Variants in EBF1 observed in about 807,000 individuals in gnomAD.
The protein encoded by EBF1 is EBF transcription factor 1.
In EBF1, 10 loss-of-function variants were observed where a neutral mutation model predicts 68.4. That is an observed-to-expected ratio of 0.15 (90% CI 0.09 to 0.25). EBF1 has a LOEUF of 0.25. Among genes scored for constraint, EBF1 ranks in the 10% least tolerant of loss-of-function variants. EBF1 has a pLI of 1.00. For synonymous variants in EBF1, 298 were observed against 299.8 expected (o/e 0.99, Z 0.06); for missense variants, 509 against 794.4 (o/e 0.64, Z 4.32).
intron 12 of EBF1, among the ~76,000 whole-genome samples, chr5:158,713,596 C>T (rs1274771696): frequency 1.3e-5 from 2 of 152,194 alleles, no homozygotes; most frequent in Non-Finnish European, 2.9e-5. Context: ...CTGTAGATGA[C>T]TACCTGCATT....
At chr5:158,876,615 C>T (rs983640419) in intron 6 of EBF1, among the ~76,000 whole-genome samples, 2 of 152,210 alleles carry the variant, frequency 1.3e-5, no homozygotes, top group Non-Finnish European at 2.9e-5. Flanking sequence ...AAAAGTTTCA[C>T]GTTGCCCTAT....
At chr5:158,833,847 G>C (rs1000015477) in intron 7 of EBF1, among the ~76,000 whole-genome samples, 3 of 152,134 alleles carry the variant, frequency 2.0e-5, no homozygotes, top group Admixed American at 1.3e-4. Flanking sequence ...ATCCCAAGAA[G>C]AATATAAGTT....
chr5:158,914,477 C>T (rs1806711982), intron 6 of EBF1, among the ~76,000 whole-genome samples: 1 of 152,166 alleles, frequency 6.6e-6, no homozygotes, highest in Non-Finnish European at 1.5e-5. Context: ...TGCTGTTCCA[C>T]ATGTCACAGG....
At chr5:158,858,854 A>G (rs941465859) in intron 6 of EBF1, among the ~76,000 whole-genome samples, 1 of 152,162 alleles carries the variant, frequency 6.6e-6, no homozygotes, top group Non-Finnish European at 1.5e-5. Flanking sequence ...TTCACTTTTC[A>G]GGGAAGGTAA....
intron 6 of EBF1, among the ~76,000 whole-genome samples, chr5:158,930,360 T>C (rs893160730): frequency 6.6e-6 from 1 of 151,098 alleles, no homozygotes; most frequent in African/African-American, 2.4e-5. Context: ...AGCATGCAAA[T>C]GACTAATCAA....
chr5:158,880,378 G>T (rs1334715191), intron 6 of EBF1, among the ~76,000 whole-genome samples: 3 of 152,190 alleles, frequency 2.0e-5, no homozygotes, highest in Non-Finnish European at 2.9e-5. Flanking sequence ...ATAAGGGTCA[G>T]TTGGAAATGC....
At chr5:158,938,061 C>T (rs768210886) in intron 6 of EBF1, among the ~76,000 whole-genome samples, 7 of 152,168 alleles carry the variant, frequency 4.6e-5, no homozygotes, top group Non-Finnish European at 8.8e-5. Flanking sequence ...ATTTTCACTC[C>T]GGCTCAAGTG....
chr5:158,817,070 A>G (rs934632257), intron 8 of EBF1, among the ~76,000 whole-genome samples: 4 of 151,972 alleles, frequency 2.6e-5, no homozygotes, highest in Admixed American at 6.6e-5. Context: ...CACCAAGACC[A>G]TGGCCTGACC....
At chr5:158,904,720 C>T (rs1027994238) in intron 6 of EBF1, among the ~76,000 whole-genome samples, 1 of 152,170 alleles carries the variant, frequency 6.6e-6, no homozygotes, top group African/African-American at 2.4e-5. Flanking sequence ...CCCTACAGAA[C>T]CGCCTTCCTC....
At chr5:159,076,866 G>A (rs1312574643) in intron 5 of EBF1, among the ~76,000 whole-genome samples, 1 of 152,184 alleles carries the variant, frequency 6.6e-6, no homozygotes, top group African/African-American at 2.4e-5. Flanking sequence ...ATATATGGAT[G>A]TGTGTGTACA....
At chr5:158,935,856 C>G (rs900466546) in intron 6 of EBF1, among the ~76,000 whole-genome samples, 1 of 152,186 alleles carries the variant, frequency 6.6e-6, no homozygotes, top group African/African-American at 2.4e-5. Flanking sequence ...TTCCAAAAAT[C>G]TGCCAAGAAC....
chr5:158,755,429 G>A (rs148556725), intron 10 of EBF1, among the ~76,000 whole-genome samples: 32 of 152,132 alleles, frequency 2.1e-4, no homozygotes, highest in Middle Eastern at 3.4e-3. Context: ...CCTGCCTCCT[G>A]TTCATCCTTG....
At position 158,827,377 on chromosome 5, in the gene EBF1, G is replaced by A. The variant is rs147052881; in HGVS notation, c.637-4060C>T. Among the ~76,000 whole-genome samples the A allele has an allele frequency of 4.6e-5, 7 of 152,194 alleles. No individual in the cohort carries two copies. The East Asian group carries it at 5.8e-4, about 13-fold the overall frequency. ...CACATTTAGGCCTTGCATGAATTGC[G>A]GTTTTCATTGGTTTATATAATGTCG... On this transcript the variant is annotated intron_variant, in intron 7 of 15. Coordinates refer to ENST00000313708, the MANE Select transcript of EBF1 (RefSeq NM_024007.5).
chr5:158,847,415 G>A (rs1411048142), intron 6 of EBF1, among the ~76,000 whole-genome samples: 2 of 152,156 alleles, frequency 1.3e-5, no homozygotes, highest in African/African-American at 4.8e-5. Context: ...AATGGGGAAA[G>A]AAAAAATTAC....
chr5:158,993,496 T>TTCTAC (rs1488994730), intron 6 of EBF1, among the ~76,000 whole-genome samples: 2 of 152,168 alleles, frequency 1.3e-5, no homozygotes, highest in Non-Finnish European at 2.9e-5. Flanking sequence ...GGGATAAAAA[T>TTCTAC]TCTACTCACA....
intron 6 of EBF1, among the ~76,000 whole-genome samples, chr5:158,969,912 GA>G (rs139682316): frequency 0.04 from 3,727 of 92,156 alleles, 218 homozygotes; most frequent in Middle Eastern, 0.07. Flanking sequence ...AAGAAAGAAA[GA>G]AAGAAAAAAA....
intron 6 of EBF1, among the ~76,000 whole-genome samples, chr5:158,994,428 G>T (rs534324564): frequency 6.6e-6 from 1 of 152,172 alleles, no homozygotes; most frequent in Non-Finnish European, 1.5e-5. Flanking sequence ...AATCCACTAA[G>T]TCTAAATGTG....
intron 6 of EBF1, among the ~76,000 whole-genome samples, chr5:158,904,872 C>G (rs1398301681): frequency 6.6e-6 from 1 of 152,170 alleles, no homozygotes; most frequent in Admixed American, 6.5e-5. Context: ...ACTGCCTGCT[C>G]AGGTGGCATT....
chr5:159,021,285 C>T (rs907923839), intron 6 of EBF1, among the ~76,000 whole-genome samples: 5 of 151,828 alleles, frequency 3.3e-5, no homozygotes, highest in Non-Finnish European at 7.4e-5. Context: ...GGGAATCTCC[C>T]GCCAAAAAAA....
Sources: allele counts gnomAD v4.1 joint callset (sites outside exome capture counted in the v4.1 genomes callset), GRCh38; gene constraint gnomAD v4.1.1; transcripts MANE v1.5; gene names NCBI Gene and HGNC (gene_info 2026-07-23, HGNC 2026-07-21).